SDF2: variants seen among roughly 807,000 people sequenced by gnomAD.
SDF2 encodes stromal cell derived factor 2.
SDF2 carries 12 observed loss-of-function variants against 20.5 expected under a neutral mutation model. The observed-to-expected ratio is 0.58, with a 90% CI of 0.37 to 0.95. The LOEUF (loss-of-function observed/expected upper bound fraction) is 0.95, where lower values mean the gene tolerates loss of function less well. Ranked by LOEUF, SDF2 falls within the 40% of genes least tolerant of loss-of-function variation. SDF2 has a pLI of 0.01. For synonymous variants in SDF2, 100 were observed against 101.0 expected (o/e 0.99, Z 0.06); for missense variants, 238 against 263.1 (o/e 0.90, Z 0.66).
At chr17:28,654,352 A>G (rs2071937900) in intron 2 of SDF2, among the ~76,000 whole-genome samples, 1 of 151,462 alleles carries the variant, frequency 6.6e-6, no homozygotes, top group South Asian at 2.1e-4. Context: ...AGTTAGCATC[A>G]TTAAAAAAAA....
intron 2 of SDF2, 86 bp from the exon 3 acceptor site, chr17:28,649,362 A>C: frequency 7.7e-7 from 1 of 1,300,828 alleles, no homozygotes; most frequent in Middle Eastern, 1.9e-4. Flanking sequence ...AAAGAAGGCC[A>C]CCTTGAAGTA....
At chr17:28,656,161 A>G (rs1034311505) in intron 1 of SDF2, 1 of 152,134 alleles carries the variant, frequency 6.6e-6, no homozygotes, top group African/African-American at 2.4e-5. Context: ...TTTATAAAAA[A>G]TACAAATCAT....
At chr17:28,650,183 C>A (rs1286743379) in intron 2 of SDF2, among the ~76,000 whole-genome samples, 1 of 151,514 alleles carries the variant, frequency 6.6e-6, no homozygotes, top group African/African-American at 2.4e-5. Flanking sequence ...AATTCCCAAC[C>A]TCAGGTGATC....
rs755078374 is a variant in SDF2 at position 28,661,711 on chromosome 17, G to A, written c.151+15C>T. On this transcript the variant is annotated intron_variant, in intron 1 of 2. Coordinates refer to ENST00000247020, the MANE Select transcript of SDF2 (RefSeq NM_006923.4). ...AGTCCTCCCTAGCCCACCCGAGCCC[G>A]GTCCCCAGCATTACCTGACCCATAG... The A allele has an allele frequency of 1.9e-6, 3 of 1,603,662 alleles. No individual in the cohort carries two copies. The highest frequency in any genetic ancestry group is 1.7e-5 in the Admixed American group (1 of 59,820).
At position 28,648,478 on chromosome 17, in the gene SDF2, G is replaced by C. The variant is rs2071884171; in HGVS notation, c.*511C>G. 1 of 155,050 alleles carries C rather than the reference G, an allele frequency of 6.4e-6. No individual in the cohort carries two copies. The highest frequency in any genetic ancestry group is 1.4e-5 in the Non-Finnish European group (1 of 69,894). 9.6% of individuals were successfully genotyped at this position (155,050 alleles called of 1,614,324 possible). On this transcript the variant is annotated 3_prime_UTR_variant, in exon 3 of 3. Transcript: ENST00000247020. ...GAGAAAAGGTTTGTATGCAAGAAAA[G>C]CTCTTAAAAGGGCCCACATTGGAGC...
upstream of SDF2, chr17:28,662,007 T>A (rs2072057329): frequency 4.5e-6 from 5 of 1,104,152 alleles, no homozygotes; most frequent in Admixed American, 7.9e-5. Flanking sequence ...TTTATTTGAC[T>A]AGAGCGGCCT....
chr17:28,658,035 C>A (rs1189880514), intron 1 of SDF2, among the ~76,000 whole-genome samples: 1 of 152,120 alleles, frequency 6.6e-6, no homozygotes, highest in Non-Finnish European at 1.5e-5. Context: ...TTTATTATAT[C>A]TTTTTTCAGA....
chr17:28,659,854 G>C (rs1379028379), intron 1 of SDF2, among the ~76,000 whole-genome samples: 2 of 152,220 alleles, frequency 1.3e-5, no homozygotes, highest in Admixed American at 1.3e-4. Flanking sequence ...CCGGGCAGAG[G>C]CTGTACTCTT....
Position 28,661,892 on chromosome 17 carries a change from G to A in SDF2, c.-16C>T, listed in dbSNP as rs2151588874. ...CTACAGCCATCCTAACTGTATCGCGGAGCCCCAAATCTTCGAAGAAAACTC... is the reference window on the plus strand; with the variant it reads ...CTACAGCCATCCTAACTGTATCGCGAAGCCCCAAATCTTCGAAGAAAACTC... On this transcript the variant is annotated 5_prime_UTR_variant, in exon 1 of 3. Transcript: ENST00000247020. 1.3e-6 allele frequency: 2 copies of A among 1,589,252 alleles called. No individual in the cohort carries two copies. Among genetic ancestry groups the A allele is most frequent in the Non-Finnish European group, 1.7e-6 (2 of 1,160,268 alleles).
At chr17:28,652,428 G>A (rs1382195743) in intron 2 of SDF2, among the ~76,000 whole-genome samples, 4 of 151,690 alleles carry the variant, frequency 2.6e-5, no homozygotes, top group African/African-American at 9.7e-5. Context: ...CTCCTACCTC[G>A]GCCTCCCAAG....
At chr17:28,662,173 C>T (rs1202620606), upstream of SDF2, 1 of 298,288 alleles carries the variant, frequency 3.4e-6, no homozygotes, top group African/African-American at 2.1e-5. Flanking sequence ...CCGCCCACTC[C>T]CGGTGACAGG....
chr17:28,661,834 C>T lies in SDF2; in HGVS notation c.43G>A (p.Ala15Thr), dbSNP rs35404078. 1.9e-3 allele frequency: 3,072 copies of T among 1,614,082 alleles called. 53 individuals are homozygous for T. In the African/African-American group the frequency reaches 0.036, roughly 19 times the overall value. The change falls in exon 1 of 3, where the codon GCT becomes ACT. Residue 15 changes from alanine to threonine, a missense_variant. Physicochemically the swap from Ala to Thr is moderately conservative, Grantham distance 58. Coordinates refer to ENST00000247020, the MANE Select transcript of SDF2 (RefSeq NM_006923.4). ...ACACCCAGGCTGGACGCTCCCACAG[C>T]GCTCCACAAACCCCCCAACAACAGC... ...PLLLLGGLWS[A>T]VGASSLGVVT... is the part of the protein sequence containing the mutation.
chr17:28,660,695 G>A (rs190150222), intron 1 of SDF2: 1 of 153,334 alleles, frequency 6.5e-6, no homozygotes, highest in African/African-American at 2.4e-5. Context: ...ACATCGCAGT[G>A]ATGATAACTC....
At chr17:28,661,644 A>C in intron 1 of SDF2, 82 bp downstream of exon 1, 3 of 1,463,338 alleles carry the variant, frequency 2.1e-6, no homozygotes, top group Middle Eastern at 2.2e-4. Context: ...CCCAGACCAC[A>C]CTGTCAGATA....
Position 28,661,776 on chromosome 17 carries a change from T to C in SDF2, c.101A>G (p.Asn34Ser), listed in dbSNP as rs1055601738. ...GTGCAGTCGGACGTTGTGGCGCGTA[T>C]TGAGTAGCTTCACCACGGAGCCGCA... ...VTCGSVVKLLNTRHNVRLHSH... is the reference protein window; with the variant it reads ...VTCGSVVKLLSTRHNVRLHSH... Residue 34 changes from asparagine to serine, a missense_variant, in exon 1 of 3, where the codon AAT becomes AGT. Coordinates refer to ENST00000247020, the MANE Select transcript of SDF2 (RefSeq NM_006923.4). The C allele has an allele frequency of 1.9e-6, 3 of 1,614,002 alleles. No individual in the cohort carries two copies. The highest frequency in any genetic ancestry group is 1.3e-5 in the African/African-American group (1 of 74,968).
chr17:28,654,535 C>T (rs77572640), intron 2 of SDF2, among the ~76,000 whole-genome samples: 157 of 152,286 alleles, frequency 1.0e-3, no homozygotes, highest in Non-Finnish European at 2.0e-3. Flanking sequence ...ACAAAGCCGG[C>T]TGGGTGCAGT....
chr17:28,658,737 C>T (rs868438253), intron 1 of SDF2, among the ~76,000 whole-genome samples: 36 of 152,296 alleles, frequency 2.4e-4, no homozygotes, highest in African/African-American at 8.4e-4. Flanking sequence ...AAACCGCCAT[C>T]GTCATCATGG....
intron 1 of SDF2, among the ~76,000 whole-genome samples, chr17:28,659,326 C>T (rs1365912312): frequency 2.0e-4 from 27 of 137,102 alleles, no homozygotes; most frequent in Admixed American, 6.6e-4. Context: ...CCAGACAGGG[C>T]GGCCGGGCAG....
At chr17:28,655,206 G>T (rs1300140749) in intron 2 of SDF2, 81 bp downstream of exon 2, 2 of 1,343,924 alleles carry the variant, frequency 1.5e-6, no homozygotes, top group East Asian at 2.3e-5. Context: ...ACCTAGAAAA[G>T]AAACATTTAA....
Sources: allele counts gnomAD v4.1 joint callset (sites outside exome capture counted in the v4.1 genomes callset), GRCh38; gene constraint gnomAD v4.1.1; transcripts MANE v1.5; gene names NCBI Gene and HGNC (gene_info 2026-07-23, HGNC 2026-07-21).